NEGR1: variants seen among roughly 807,000 people sequenced by gnomAD.
The protein encoded by NEGR1 is neuronal growth regulator 1.
In NEGR1, 10 loss-of-function variants were observed where a neutral mutation model predicts 40.9. The observed-to-expected ratio is 0.24, with a 90% confidence interval of 0.15 to 0.42. The LOEUF is 0.42. Ranked by LOEUF, NEGR1 falls within the 10% of genes least tolerant of loss-of-function variation. NEGR1 has a pLI of 1.00. For missense variants in NEGR1, 352 were observed against 438.9 expected, an observed-to-expected ratio of 0.80 and a Z score of 1.77; for synonymous variants, 185 against 166.8, an observed-to-expected ratio of 1.11 and a Z score of -0.84.
chr1:71,625,439 C>CT (rs1010140224), intron 4 of NEGR1, among the ~76,000 whole-genome samples: 2 of 151,668 alleles, frequency 1.3e-5, no homozygotes, highest in African/African-American at 4.8e-5. Context: ...AGTGTAACAG[C>CT]TATTTATATA....
At chr1:72,111,427 A>G (rs1649366207) in intron 1 of NEGR1, among the ~76,000 whole-genome samples, 1 of 151,764 alleles carries the variant, frequency 6.6e-6, no homozygotes, top group Non-Finnish European at 1.5e-5. Flanking sequence ...TCAAAGCACA[A>G]CAGAAAAGTA....
At chr1:71,976,185 A>T (rs138436178) in intron 1 of NEGR1, among the ~76,000 whole-genome samples, 7 of 152,334 alleles carry the variant, frequency 4.6e-5, no homozygotes, top group African/African-American at 1.7e-4. Context: ...CCCAAAAGGC[A>T]AGTTTACATT....
At chr1:71,613,476 G>A (rs113887782) in intron 4 of NEGR1, among the ~76,000 whole-genome samples, 1,809 of 151,864 alleles carry the variant, frequency 0.012, 31 homozygotes, top group African/African-American at 0.041. Flanking sequence ...GTGAAACCCC[G>A]TCTCTACTAA....
At chr1:71,541,791 T>C (rs965304592) in intron 6 of NEGR1, among the ~76,000 whole-genome samples, 14 of 151,908 alleles carry the variant, frequency 9.2e-5, no homozygotes, top group African/African-American at 2.9e-4. Context: ...AGCTGTACTA[T>C]TGGCTCAGTT....
intron 1 of NEGR1, among the ~76,000 whole-genome samples, chr1:72,219,012 C>T (rs1166028818): frequency 3.9e-5 from 6 of 152,042 alleles, no homozygotes; most frequent in African/African-American, 1.4e-4. Context: ...ATCTTCTCCA[C>T]ACAATGACAT....
chr1:71,456,115 A>T (rs1482842241), intron 6 of NEGR1, among the ~76,000 whole-genome samples: 2 of 152,220 alleles, frequency 1.3e-5, no homozygotes, highest in Non-Finnish European at 2.9e-5. Context: ...GATTTCTTTA[A>T]GGTTTAAAAA....
intron 2 of NEGR1, among the ~76,000 whole-genome samples, chr1:71,904,374 C>T (rs1247752781): frequency 1.3e-5 from 2 of 151,754 alleles, no homozygotes; most frequent in Non-Finnish European, 2.9e-5. Context: ...GTAAGATCAC[C>T]AAAAAATAAT....
At chr1:71,949,793 T>G (rs1284780795) in intron 1 of NEGR1, among the ~76,000 whole-genome samples, 1 of 152,140 alleles carries the variant, frequency 6.6e-6, no homozygotes, top group African/African-American at 2.4e-5. Context: ...TTTATCTTCT[T>G]GTTCATTTTA....
intron 2 of NEGR1, among the ~76,000 whole-genome samples, chr1:71,911,108 T>C (rs1661411125): frequency 6.6e-6 from 1 of 152,192 alleles, no homozygotes; most frequent in African/African-American, 2.4e-5. Flanking sequence ...GAAATCACTG[T>C]CTAGATACAA....
intron 2 of NEGR1, among the ~76,000 whole-genome samples, chr1:71,904,139 T>C (rs986356218): frequency 2.7e-4 from 41 of 152,108 alleles, no homozygotes; most frequent in African/African-American, 9.6e-4. Flanking sequence ...ACAAAAGCAG[T>C]TGTGACAGCA....
At chr1:71,935,554 CGT>C (rs1557443160) in intron 1 of NEGR1, among the ~76,000 whole-genome samples, 6 of 150,388 alleles carry the variant, frequency 4.0e-5, no homozygotes, top group African/African-American at 1.5e-4. Flanking sequence ...TGTGCATGTT[CGT>C]GTGTGTGTGT....
chr1:71,620,992 C>T (rs1650590879), intron 4 of NEGR1, among the ~76,000 whole-genome samples: 2 of 151,860 alleles, frequency 1.3e-5, no homozygotes, highest in Admixed American at 6.6e-5. Flanking sequence ...CTTCATACTG[C>T]TTTGCACTGA....
intron 3 of NEGR1, among the ~76,000 whole-genome samples, chr1:71,767,463 G>A (rs1656172097): frequency 1.3e-5 from 2 of 152,178 alleles, no homozygotes; most frequent in African/African-American, 4.8e-5. Context: ...AAAGCAGCCA[G>A]GTGTTCAAGA....
intron 4 of NEGR1, among the ~76,000 whole-genome samples, chr1:71,683,130 G>GA (rs1387871233): frequency 6.6e-6 from 1 of 152,118 alleles, no homozygotes; most frequent in African/African-American, 2.4e-5. Flanking sequence ...TTTCCGAGGA[G>GA]AATTTTTCCA....
chr1:71,480,879 C>T (rs1038952466), intron 6 of NEGR1, among the ~76,000 whole-genome samples: 1 of 151,704 alleles, frequency 6.6e-6, no homozygotes, highest in Admixed American at 6.6e-5. Context: ...AAAACAGGGG[C>T]TCAGAGAGGT....
intron 6 of NEGR1, among the ~76,000 whole-genome samples, chr1:71,538,966 A>T (rs1367108379): frequency 6.6e-6 from 1 of 151,750 alleles, no homozygotes; most frequent in Non-Finnish European, 1.5e-5. Context: ...GTTGGTTCAA[A>T]TACTTCACTA....
intron 2 of NEGR1, among the ~76,000 whole-genome samples, chr1:71,874,947 C>A (rs1428686445): frequency 6.6e-6 from 1 of 152,032 alleles, no homozygotes; most frequent in Non-Finnish European, 1.5e-5. Context: ...CAGGCTCAAT[C>A]AATCCTCCTC....
At position 71,552,456 on chromosome 1, in the gene NEGR1, A is replaced by G. The variant is rs189218949; in HGVS notation, c.940+40361T>C. ...TGTGGCCATGGTCGGCCCCTGCACT[A>G]GCTCCTGAGACCACAGCCAAGACTA... On this transcript the variant is annotated intron_variant, in intron 6 of 6. Coordinates refer to ENST00000357731, the MANE Select transcript of NEGR1 (RefSeq NM_173808.3). Among the ~76,000 whole-genome samples, 499 of 149,222 alleles carry G rather than the reference A, an allele frequency of 3.3e-3. 2 individuals carry two copies. The highest frequency in any genetic ancestry group is 0.011 in the African/African-American group (467 of 40,984).
chr1:72,125,299 T>C (rs1270008087), intron 1 of NEGR1, among the ~76,000 whole-genome samples: 1 of 152,064 alleles, frequency 6.6e-6, no homozygotes, highest in Non-Finnish European at 1.5e-5. Context: ...TGTATTTCAG[T>C]TACTTCTGCC....
Sources: gnomAD v4.1 joint callset for allele counts (sites outside exome capture counted in the v4.1 genomes callset) on GRCh38, gnomAD v4.1.1 for gene constraint, MANE v1.5 for transcripts, NCBI Gene and HGNC (gene_info 2026-07-23, HGNC 2026-07-21) for gene names.